HIVEP3: variants seen among roughly 807,000 people sequenced by gnomAD.
HIVEP3 encodes the protein HIVEP zinc finger 3.
Under a neutral mutation model 152.8 loss-of-function variants are expected in HIVEP3, and 49 were observed. The ratio of observed to expected loss-of-function variants is 0.32; its 90% CI spans 0.26 to 0.41. HIVEP3 has a LOEUF of 0.41. Among genes scored for constraint, HIVEP3 ranks in the 10% least tolerant of loss-of-function variants. HIVEP3 has a pLI of 1.00. For missense variants in HIVEP3, 2,790 were observed against 3,103.3 expected (o/e 0.90, Z 2.40); for synonymous variants, 1,269 against 1,289.0 (o/e 0.98, Z 0.33).
intron 1 of HIVEP3, among the ~76,000 whole-genome samples, chr1:41,743,386 C>T (rs1251444949): frequency 6.6e-6 from 1 of 152,182 alleles, no homozygotes; most frequent in East Asian, 1.9e-4. Context: ...GCTACCAAAT[C>T]CCCAGCACTT....
chr1:41,596,384 G>C (rs1200569668), intron 3 of HIVEP3, among the ~76,000 whole-genome samples: 1 of 152,082 alleles, frequency 6.6e-6, no homozygotes, highest in Non-Finnish European at 1.5e-5. Flanking sequence ...AGAGTCCATA[G>C]ATAGCCTGTG....
At chr1:41,750,630 C>A (rs1647144420) in intron 1 of HIVEP3, among the ~76,000 whole-genome samples, 1 of 152,128 alleles carries the variant, frequency 6.6e-6, no homozygotes, top group African/African-American at 2.4e-5. Flanking sequence ...AGTTACCAAA[C>A]CACTCAAGAC....
intron 1 of HIVEP3, among the ~76,000 whole-genome samples, chr1:41,954,597 G>T (rs574846255): frequency 6.6e-6 from 1 of 152,324 alleles, no homozygotes; most frequent in East Asian, 1.9e-4. Flanking sequence ...CTGAGCAGGG[G>T]GTCATGGCCA....
chr1:41,766,269 G>T (rs557850167), intron 1 of HIVEP3, among the ~76,000 whole-genome samples: 4 of 152,312 alleles, frequency 2.6e-5, no homozygotes, highest in Admixed American at 2.6e-4. Context: ...AACATTTTTG[G>T]TTTTCACAAC....
intron 1 of HIVEP3, among the ~76,000 whole-genome samples, chr1:41,952,683 T>C (rs940974699): frequency 5.9e-5 from 9 of 152,190 alleles, no homozygotes; most frequent in African/African-American, 2.2e-4. Flanking sequence ...CATGTGTATA[T>C]GCACATGCAT....
chr1:42,000,743 G>T (rs1032687736), intron 1 of HIVEP3, among the ~76,000 whole-genome samples: 12 of 152,136 alleles, frequency 7.9e-5, no homozygotes, highest in African/African-American at 2.9e-4. Context: ...TCCTGACAAA[G>T]ATTTTTCTCC....
intron 2 of HIVEP3, among the ~76,000 whole-genome samples, chr1:41,634,889 C>G (rs766134377): frequency 7.2e-5 from 11 of 152,166 alleles, no homozygotes; most frequent in Middle Eastern, 6.8e-3. Context: ...AAAGAAAGAA[C>G]AGGAAATGTC....
At chr1:41,778,920 C>A (rs1392833699) in intron 1 of HIVEP3, among the ~76,000 whole-genome samples, 1 of 152,142 alleles carries the variant, frequency 6.6e-6, no homozygotes, top group Non-Finnish European at 1.5e-5. Context: ...GAAAGCCAGG[C>A]ATGTATCTGA....
At chr1:41,820,521 TA>T (rs1172955212) in intron 1 of HIVEP3, among the ~76,000 whole-genome samples, 3 of 152,226 alleles carry the variant, frequency 2.0e-5, no homozygotes, top group African/African-American at 7.2e-5. Context: ...TGGTCACTTT[TA>T]AAAAATATCC....
intron 2 of HIVEP3, among the ~76,000 whole-genome samples, chr1:41,686,060 T>TG (rs748230435): frequency 6.7e-6 from 1 of 149,618 alleles, no homozygotes; most frequent in Non-Finnish European, 1.5e-5. Flanking sequence ...TTTGTTTGTT[T>TG]GTTTTGTTTT....
chr1:41,968,272 C>A (rs1645210655), intron 1 of HIVEP3, among the ~76,000 whole-genome samples: 1 of 151,990 alleles, frequency 6.6e-6, no homozygotes, highest in Non-Finnish European at 1.5e-5. Context: ...AAACTTTGGG[C>A]CAATATCCCT....
chr1:41,638,256 G>GAGAGAGAAAGAAAGAA (rs1553241158), intron 2 of HIVEP3, among the ~76,000 whole-genome samples: 4 of 120,914 alleles, frequency 3.3e-5, no homozygotes, highest in African/African-American at 1.4e-4. Flanking sequence ...AAGAAAGAGA[G>GAGAGAGAAAGAAAGAA]AGAAAGAAAG....
chr1:41,730,915 T>G (rs1646830504), intron 1 of HIVEP3, among the ~76,000 whole-genome samples: 1 of 152,026 alleles, frequency 6.6e-6, no homozygotes. Context: ...TGAATTTGTT[T>G]GTGAAGAGGA....
intron 3 of HIVEP3, among the ~76,000 whole-genome samples, chr1:41,589,624 T>C (rs1644557591): frequency 6.6e-6 from 1 of 152,182 alleles, no homozygotes; most frequent in Admixed American, 6.5e-5. Context: ...AGGTAGACAA[T>C]TCCACCAGTC....
chr1:42,033,029 C>T (rs1470960556), intron 1 of HIVEP3, among the ~76,000 whole-genome samples: 4 of 152,090 alleles, frequency 2.6e-5, no homozygotes, highest in Non-Finnish European at 5.9e-5. Context: ...CAAGCAGGAG[C>T]AGAACGAGCA....
chr1:41,743,077 G>C (rs1450465062), intron 1 of HIVEP3, among the ~76,000 whole-genome samples: 1 of 151,592 alleles, frequency 6.6e-6, no homozygotes, highest in African/African-American at 2.4e-5. Flanking sequence ...ATTTTTAACT[G>C]TAAGTGGATA....
intron 1 of HIVEP3, among the ~76,000 whole-genome samples, chr1:41,863,208 T>C (rs1570691769): frequency 6.6e-6 from 1 of 152,328 alleles, no homozygotes; most frequent in South Asian, 2.1e-4. Flanking sequence ...GGGTCAGATC[T>C]GCTTCTGCTG....
At chr1:41,816,990 G>A (rs947689841) in intron 1 of HIVEP3, among the ~76,000 whole-genome samples, 4 of 152,110 alleles carry the variant, frequency 2.6e-5, no homozygotes, top group African/African-American at 9.7e-5. Context: ...ACATCTTTTT[G>A]ATCAACTCAT....
chr1:41,916,001 T>A (rs1319477859), intron 1 of HIVEP3, among the ~76,000 whole-genome samples: 2 of 152,122 alleles, frequency 1.3e-5, no homozygotes. Context: ...TTAAAGACAT[T>A]AGGGAATTCA....
Sources: gnomAD v4.1 joint callset for allele counts (sites outside exome capture counted in the v4.1 genomes callset) on GRCh38, gnomAD v4.1.1 for gene constraint, MANE v1.5 for transcripts, NCBI Gene and HGNC (gene_info 2026-07-23, HGNC 2026-07-21) for gene names.